The following VAV2 variants were observed in gnomAD, a reference collection of about 807,000 sequenced individuals.
The protein encoded by VAV2 is guanine nucleotide exchange factor VAV2.
A neutral mutation model predicts 132.5 loss-of-function variants in VAV2; 67 were observed. That is an observed-to-expected ratio of 0.51 (90% confidence interval 0.42 to 0.62). The LOEUF (loss-of-function observed/expected upper bound fraction) is 0.62. Among genes scored for constraint, VAV2 ranks in the 20% least tolerant of loss-of-function variants. VAV2 has a pLI of 0.00. For synonymous variants in VAV2, 492 were observed against 443.5 expected (o/e 1.11, Z -1.37); for missense variants, 938 against 1,153.6 (o/e 0.81, Z 2.71).
chr9:133,791,681 T>C, intron 13 of VAV2, 102 bp downstream of exon 13: 1 of 996,178 alleles, frequency 1.0e-6, no homozygotes, highest in Non-Finnish European at 1.6e-6. Flanking sequence ...GCAGCCATGG[T>C]GTGGCTGCCC....
chr9:133,846,126 T>C (rs1019316992), intron 3 of VAV2, among the ~76,000 whole-genome samples: 1 of 152,154 alleles, frequency 6.6e-6, no homozygotes, highest in Admixed American at 6.5e-5. Flanking sequence ...TCCGTCTCCA[T>C]CCCAAAGAAG....
At chr9:133,790,883 C>A (rs1190670463) in intron 13 of VAV2, among the ~76,000 whole-genome samples, 1 of 152,128 alleles carries the variant, frequency 6.6e-6, no homozygotes, top group African/African-American at 2.4e-5. Context: ...AGTGAAATCA[C>A]CAGGGTGAAA....
rs546006682 is a variant in VAV2 at position 133,764,086 on chromosome 9, G to A, written c.2613C>T (p.Tyr871=). The change falls in exon 30 of 30, where the codon TAC becomes TAT. Residue 871 remains tyrosine, a synonymous_variant. Coordinates refer to ENST00000371850, the MANE Select transcript of VAV2 (RefSeq NM_001134398.2). ...NGRIGWFPST[Y]VEEEGIQ ...GTCACTGGATGCCCTCCTCTTCTAC[G>A]TACGTTGAAGGAAACCAGCCAATCT... 156 of 1,613,864 alleles carry A rather than the reference G, an allele frequency of 9.7e-5. No homozygotes were observed. The highest frequency in any genetic ancestry group is 1.7e-4 in the Admixed American group (10 of 60,010).
chr9:133,893,760 G>A (rs1043243552), intron 2 of VAV2, among the ~76,000 whole-genome samples: 5 of 152,146 alleles, frequency 3.3e-5, no homozygotes, highest in Non-Finnish European at 7.4e-5. Flanking sequence ...CCACAGCCGC[G>A]ATGACCGAGG....
intron 17 of VAV2, among the ~76,000 whole-genome samples, chr9:133,785,002 C>G (rs1185331556): frequency 6.6e-6 from 1 of 152,114 alleles, no homozygotes; most frequent in Non-Finnish European, 1.5e-5. Flanking sequence ...AAATTACAGG[C>G]CATGGAAAGC....
intron 2 of VAV2, 112 bp from the exon 3 acceptor site, chr9:133,861,544 G>A (rs1414116330): frequency 5.1e-6 from 6 of 1,167,378 alleles, no homozygotes; most frequent in Admixed American, 5.1e-5. Flanking sequence ...TGAGCACATC[G>A]CATCTGGGTA....
intron 9 of VAV2, among the ~76,000 whole-genome samples, chr9:133,798,743 G>A (rs7031854): frequency 0.024 from 3,699 of 152,344 alleles, 134 homozygotes; most frequent in African/African-American, 0.084. Flanking sequence ...GTGCTCTGCC[G>A]ACAAGCCTTA....
rs12349295 is a variant in VAV2 at position 133,906,924 on chromosome 9, G to A, written c.321+32179C>T. ...CCGTCCCATCCCTTCACAACAGACA[G>A]ACATAGAGACCTGCAGGAGCAGGGA... On this transcript the variant is annotated intron_variant, in intron 2 of 29. Coordinates refer to ENST00000371850, the MANE Select transcript of VAV2 (RefSeq NM_001134398.2). Among the ~76,000 whole-genome samples the A allele has an allele frequency of 7.8e-3, 1,194 of 152,224 alleles. 20 individuals carry two copies. The highest frequency in any genetic ancestry group is 0.027 in the African/African-American group (1,119 of 41,532).
chr9:133,767,756 C>G (rs142741337), intron 29 of VAV2, among the ~76,000 whole-genome samples: 190 of 152,358 alleles, frequency 1.2e-3, no homozygotes, highest in African/African-American at 3.9e-3. Flanking sequence ...GAAGCCCCAT[C>G]CACCTGCCCT....
At chr9:133,965,488 G>A (rs545948435) in intron 1 of VAV2, among the ~76,000 whole-genome samples, 167 of 103,690 alleles carry the variant, frequency 1.6e-3, no homozygotes, top group African/African-American at 5.7e-3. Flanking sequence ...GACAGAGCGA[G>A]ACTGTCAAAA....
chr9:133,838,990 G>A (rs1298287265), intron 3 of VAV2, among the ~76,000 whole-genome samples: 7 of 149,838 alleles, frequency 4.7e-5, no homozygotes, highest in Non-Finnish European at 8.9e-5. Flanking sequence ...ATGAATGGAT[G>A]GATGGGTGGG....
Position 133,763,987 on chromosome 9 carries a change from A to T in VAV2, c.*75T>A, listed in dbSNP as rs1301169658. The T allele has an allele frequency of 6.4e-7, 1 of 1,562,044 alleles. No individual in the cohort carries two copies. Among genetic ancestry groups the T allele is most frequent in the Non-Finnish European group, 8.8e-7 (1 of 1,133,188 alleles). On this transcript the variant is annotated 3_prime_UTR_variant, in exon 30 of 30. Coordinates refer to ENST00000371850, the MANE Select transcript of VAV2 (RefSeq NM_001134398.2). The surrounding 1 kb of genome is among the most constrained non-coding windows in gnomAD (Gnocchi z 6.8). ...TTGGTATTTCCCCTCTGAGTCACAG[A>T]GGAGCTAGAGACAGACTTCAGGGCT...
Position 133,883,521 on chromosome 9 carries a change from G to T in VAV2, c.322-22089C>A, listed in dbSNP as rs1163683041. On this transcript the variant is annotated intron_variant, in intron 2 of 29. Transcript: ENST00000371850. The surrounding 1 kb of genome is among the most constrained non-coding windows in gnomAD (Gnocchi z 4.2). ...GGATAGAACAACCACTCACCCTGCAGACTCCCAAGTCATCCCCAGCCACGG... is the reference window on the plus strand; with the variant it reads ...GGATAGAACAACCACTCACCCTGCATACTCCCAAGTCATCCCCAGCCACGG... 1.3e-5 allele frequency among the ~76,000 whole-genome samples: 2 copies of T among 152,124 alleles called. No homozygotes were observed. Among genetic ancestry groups the T allele is most frequent in the African/African-American group, 4.8e-5 (2 of 41,424 alleles).
At chr9:133,944,176 C>T (rs1841277366) in intron 1 of VAV2, among the ~76,000 whole-genome samples, 3 of 152,240 alleles carry the variant, frequency 2.0e-5, no homozygotes, top group Middle Eastern at 6.8e-3. Flanking sequence ...CAGGGACAGG[C>T]CTCTCTGCCC....
intron 1 of VAV2, among the ~76,000 whole-genome samples, chr9:133,950,256 A>G (rs1055591677): frequency 6.6e-6 from 1 of 152,212 alleles, no homozygotes; most frequent in Non-Finnish European, 1.5e-5. Flanking sequence ...CAGCAAGAAA[A>G]ATCAATTCTG....
intron 1 of VAV2, among the ~76,000 whole-genome samples, chr9:133,962,656 G>A (rs756979202): frequency 4.6e-5 from 7 of 152,184 alleles, no homozygotes; most frequent in Non-Finnish European, 8.8e-5. Flanking sequence ...GCTGGGACTC[G>A]GGGGGCTGTG....
intron 21 of VAV2, 51 bp downstream of exon 21, chr9:133,779,867 G>T (rs763418223): frequency 6.2e-7 from 1 of 1,600,722 alleles, no homozygotes; most frequent in Non-Finnish European, 8.5e-7. Context: ...TCAGCTCCCA[G>T]GTGATGGCTG....
chr9:133,858,667 C>A (rs1019328183), intron 3 of VAV2, among the ~76,000 whole-genome samples: 2 of 152,170 alleles, frequency 1.3e-5, no homozygotes, highest in Non-Finnish European at 2.9e-5. Context: ...ATTTACAGGT[C>A]TCATCTCAAT....
chr9:133,976,015 G>T (rs546380375), intron 1 of VAV2, among the ~76,000 whole-genome samples: 87 of 149,332 alleles, frequency 5.8e-4, no homozygotes, highest in Admixed American at 1.3e-3. Flanking sequence ...GGACAAGATG[G>T]TAAAACCCCA....
Sources: gnomAD v4.1 joint callset for allele counts (sites outside exome capture counted in the v4.1 genomes callset) on GRCh38, gnomAD v4.1.1 for gene constraint, Gnocchi (gnomAD v3.1) non-coding constraint, MANE v1.5 for transcripts, NCBI Gene and HGNC (gene_info 2026-07-23, HGNC 2026-07-21) for gene names.